Variants in PPP1R14C observed in about 807,000 individuals in gnomAD.
PPP1R14C encodes protein phosphatase 1 regulatory inhibitor subunit 14C.
Under a neutral mutation model 20.4 loss-of-function variants are expected in PPP1R14C, and 16 were observed. The ratio of observed to expected loss-of-function variants is 0.78; its 90% confidence interval spans 0.53 to 1.19. PPP1R14C has a LOEUF of 1.19. Ranked by LOEUF, PPP1R14C falls within the 50% of genes most tolerant of loss-of-function variation. The probability of loss-of-function intolerance (pLI) is 0.00; values close to 1 mark genes in which losing one functional copy is unlikely to be tolerated. For missense variants in PPP1R14C, 211 were observed against 220.1 expected (o/e 0.96, Z 0.26); for synonymous variants, 91 against 91.0 (o/e 1.00, Z 0.00).
At chr6:150,177,261 C>A (rs1374539679) in intron 1 of PPP1R14C, among the ~76,000 whole-genome samples, 1 of 152,114 alleles carries the variant, frequency 6.6e-6, no homozygotes, top group African/African-American at 2.4e-5. Context: ...ACTGTCTTTA[C>A]CTGTTGTTTC....
intron 1 of PPP1R14C, among the ~76,000 whole-genome samples, chr6:150,167,280 A>C (rs1442961411): frequency 6.6e-6 from 1 of 152,050 alleles, no homozygotes; most frequent in Non-Finnish European, 1.5e-5. Flanking sequence ...AGGCAGGAGA[A>C]TTGCTTGAAC....
chr6:150,233,348 A>G (rs996166782), intron 3 of PPP1R14C, among the ~76,000 whole-genome samples: 3 of 152,202 alleles, frequency 2.0e-5, no homozygotes, highest in Non-Finnish European at 1.5e-5. Context: ...CATATAAACA[A>G]AACCAATTTG....
At chr6:150,158,000 C>G (rs1429722238) in intron 1 of PPP1R14C, among the ~76,000 whole-genome samples, 1 of 152,154 alleles carries the variant, frequency 6.6e-6, no homozygotes, top group East Asian at 1.9e-4. Context: ...CCTTCCTGGG[C>G]TGGGGGAGCT....
chr6:150,171,997 C>T (rs556342834), intron 1 of PPP1R14C, among the ~76,000 whole-genome samples: 200 of 151,976 alleles, frequency 1.3e-3, no homozygotes, highest in African/African-American at 4.6e-3. Flanking sequence ...TTAGTAGAGA[C>T]GGGGTTTGCC....
intron 1 of PPP1R14C, among the ~76,000 whole-genome samples, chr6:150,179,117 CTG>C (rs1777593103): frequency 1.3e-5 from 2 of 152,250 alleles, no homozygotes; most frequent in African/African-American, 4.8e-5. Flanking sequence ...AGGAAGGAGA[CTG>C]TGGTCGCCAA....
At chr6:150,204,098 C>T (rs1490541909) in intron 1 of PPP1R14C, among the ~76,000 whole-genome samples, 27 of 152,354 alleles carry the variant, frequency 1.8e-4, no homozygotes, top group Non-Finnish European at 1.5e-5. Flanking sequence ...CTGCTGTCGG[C>T]ACAGGAGCCG....
intron 3 of PPP1R14C, 58 bp downstream of exon 3, chr6:150,216,914 T>C: frequency 7.0e-7 from 1 of 1,420,274 alleles, no homozygotes; most frequent in Non-Finnish European, 9.8e-7. Flanking sequence ...TAAATCAATT[T>C]GTCTATTTTT....
intron 1 of PPP1R14C, among the ~76,000 whole-genome samples, chr6:150,176,551 T>G (rs1002050502): frequency 6.6e-6 from 1 of 152,230 alleles, no homozygotes; most frequent in Admixed American, 6.5e-5. Context: ...CTTCCTTAGC[T>G]TATTTGAAGG....
intron 1 of PPP1R14C, among the ~76,000 whole-genome samples, chr6:150,181,945 G>A (rs900486330): frequency 6.6e-6 from 1 of 152,128 alleles, no homozygotes; most frequent in Non-Finnish European, 1.5e-5. Flanking sequence ...TTCTTCGTCC[G>A]TAGCAGCTGC....
In PPP1R14C at chr6:150,175,825, C is replaced by A. The variant is rs375194207; in HGVS notation, c.306+32327C>A. ...TTAAAATAAAACCTAGATGTCATAT[C>A]CCAATCTGGCCTGTTTGGGAAAATG... On this transcript the variant is annotated intron_variant, in intron 1 of 3. Coordinates refer to ENST00000361131, the MANE Select transcript of PPP1R14C (RefSeq NM_030949.3). Among the ~76,000 whole-genome samples, 7 of 152,334 alleles carry A rather than the reference C, an allele frequency of 4.6e-5. 1 individual carries two copies. The highest frequency in any genetic ancestry group is 3.9e-4 in the East Asian group (2 of 5,178).
intron 3 of PPP1R14C, among the ~76,000 whole-genome samples, chr6:150,243,269 G>A (rs1427512994): frequency 2.0e-5 from 3 of 148,044 alleles, no homozygotes; most frequent in African/African-American, 7.5e-5. Flanking sequence ...TCCGCCTCCC[G>A]GGTTCAAGCA....
intron 1 of PPP1R14C, among the ~76,000 whole-genome samples, chr6:150,209,533 AGT>A (rs1215642157): frequency 1.4e-4 from 21 of 148,272 alleles, no homozygotes; most frequent in Admixed American, 1.4e-3. Context: ...TGTGGATGTG[AGT>A]GTATGAATGG....
chr6:150,150,633 G>C (rs1021215935), intron 1 of PPP1R14C, among the ~76,000 whole-genome samples: 1 of 152,096 alleles, frequency 6.6e-6, no homozygotes, highest in Non-Finnish European at 1.5e-5. Flanking sequence ...TTACTTTGTA[G>C]TGCATGCTCT....
chr6:150,211,230 G>A (rs1206785954), intron 1 of PPP1R14C, among the ~76,000 whole-genome samples: 7 of 152,238 alleles, frequency 4.6e-5, no homozygotes, highest in Non-Finnish European at 1.0e-4. Flanking sequence ...CCCAGTGCCA[G>A]GGCCTCACTG....
At chr6:150,222,216 CT>C (rs200194343) in intron 3 of PPP1R14C, among the ~76,000 whole-genome samples, 1 of 133,610 alleles carries the variant, frequency 7.5e-6, no homozygotes, top group African/African-American at 3.3e-5. Flanking sequence ...CAGATTTAAT[CT>C]TTTTTTTCAG....
chr6:150,188,805 G>A (rs1777708450), intron 1 of PPP1R14C, among the ~76,000 whole-genome samples: 2 of 149,900 alleles, frequency 1.3e-5, no homozygotes, highest in Admixed American at 1.3e-4. Context: ...CTTCTTATGG[G>A]ACATTTTTTC....
chr6:150,191,082 T>G (rs1471141918), intron 1 of PPP1R14C, among the ~76,000 whole-genome samples: 3 of 152,172 alleles, frequency 2.0e-5, no homozygotes, highest in Non-Finnish European at 2.9e-5. Flanking sequence ...GGTCCTCACA[T>G]GTTTTCTCCT....
chr6:150,239,590 C>A (rs1419144082), intron 3 of PPP1R14C, among the ~76,000 whole-genome samples: 2 of 152,094 alleles, frequency 1.3e-5, no homozygotes, highest in Admixed American at 1.3e-4. Flanking sequence ...CTTAGTGCTG[C>A]TGGGGGTGGG....
intron 1 of PPP1R14C, among the ~76,000 whole-genome samples, chr6:150,213,115 T>C (rs1778047694): frequency 6.6e-6 from 1 of 152,226 alleles, no homozygotes; most frequent in South Asian, 2.1e-4. Context: ...AGATGAGATC[T>C]AAAACGTTCA....
Sources: gnomAD v4.1 joint callset for allele counts (sites outside exome capture counted in the v4.1 genomes callset) on GRCh38, gnomAD v4.1.1 for gene constraint, MANE v1.5 for transcripts, NCBI Gene and HGNC (gene_info 2026-07-23, HGNC 2026-07-21) for gene names.